The following ACTR3 variants were observed in gnomAD, a reference collection of about 807,000 sequenced individuals.
ACTR3 encodes actin related protein 3.
In ACTR3, 12 loss-of-function variants were observed where a neutral mutation model predicts 56.8. That is an observed-to-expected ratio of 0.21 (90% CI 0.14 to 0.34). ACTR3 has a LOEUF of 0.34. ACTR3 is among the 10% of genes least tolerant of loss of function. ACTR3 has a pLI of 1.00. For missense variants in ACTR3, 282 were observed against 512.5 expected, an observed-to-expected ratio of 0.55 and a Z score of 4.34; for synonymous variants, 162 against 167.4, an observed-to-expected ratio of 0.97 and a Z score of 0.25.
intron 1 of ACTR3, among the ~76,000 whole-genome samples, chr2:113,895,986 G>C (rs1002361445): frequency 6.6e-6 from 1 of 152,102 alleles, no homozygotes; most frequent in African/African-American, 2.4e-5. Context: ...AGTCCCCCGA[G>C]TAGCTGGGAC....
At chr2:113,896,207 C>T (rs763738570) in intron 1 of ACTR3, among the ~76,000 whole-genome samples, 3 of 151,994 alleles carry the variant, frequency 2.0e-5, no homozygotes, top group Non-Finnish European at 4.4e-5. Flanking sequence ...AATGGTTCAG[C>T]ACAGTGCCTG....
intron 4 of ACTR3, 47 bp from the exon 5 acceptor site, chr2:113,931,254 C>A: frequency 8.6e-7 from 1 of 1,169,368 alleles, no homozygotes; most frequent in Non-Finnish European, 1.2e-6. Flanking sequence ...AGAAAGTTAT[C>A]AAAATAATCT....
chr2:113,902,181 C>G (rs1381905254), intron 1 of ACTR3, among the ~76,000 whole-genome samples: 1 of 152,118 alleles, frequency 6.6e-6, no homozygotes, highest in Non-Finnish European at 1.5e-5. Context: ...GTGACAGACT[C>G]GCCTTTTTTT....
intron 3 of ACTR3, among the ~76,000 whole-genome samples, chr2:113,920,445 C>G (rs1333570095): frequency 6.6e-6 from 1 of 152,144 alleles, no homozygotes; most frequent in Non-Finnish European, 1.5e-5. Context: ...GTGTGGTGAT[C>G]AAGTCAATGT....
chr2:113,945,692 A>G (rs758290748), intron 8 of ACTR3, among the ~76,000 whole-genome samples: 35 of 151,764 alleles, frequency 2.3e-4, no homozygotes, highest in Admixed American at 8.5e-4. Flanking sequence ...AGGTTTTTAT[A>G]TAGGTAAACT....
upstream of ACTR3, chr2:113,889,985 C>T (rs566293362): frequency 9.8e-6 from 5 of 511,852 alleles, no homozygotes; most frequent in South Asian, 7.3e-5. Flanking sequence ...GGAAAGGCGG[C>T]GTGAGGGGAA....
intron 3 of ACTR3, among the ~76,000 whole-genome samples, chr2:113,922,824 C>T (rs1216614694): frequency 1.3e-5 from 2 of 152,102 alleles, no homozygotes; most frequent in Non-Finnish European, 2.9e-5. Flanking sequence ...ATTAAAGCAA[C>T]CAGTGGACCA....
chr2:113,895,201 T>C (rs1386069302), intron 1 of ACTR3, among the ~76,000 whole-genome samples: 1 of 152,170 alleles, frequency 6.6e-6, no homozygotes, highest in Non-Finnish European at 1.5e-5. Context: ...TCGAGAATTG[T>C]ATGTCAGCCC....
At chr2:113,917,110 C>A in intron 3 of ACTR3, 102 bp downstream of exon 3, 1 of 943,620 alleles carries the variant, frequency 1.1e-6, no homozygotes, top group Non-Finnish European at 1.4e-6. Context: ...TTAATATCCT[C>A]AAACCTCTTC....
intron 8 of ACTR3, among the ~76,000 whole-genome samples, chr2:113,947,759 C>CA (rs1680046823): frequency 6.6e-6 from 1 of 152,132 alleles, no homozygotes; most frequent in African/African-American, 2.4e-5. Context: ...GCTAATGTTT[C>CA]ATATATCATT....
chr2:113,897,496 T>C (rs1679028784), intron 1 of ACTR3, among the ~76,000 whole-genome samples: 1 of 150,650 alleles, frequency 6.6e-6, no homozygotes. Flanking sequence ...AGGAATAGCT[T>C]GAATTTGTGT....
intron 6 of ACTR3, among the ~76,000 whole-genome samples, chr2:113,935,751 G>A (rs1004217497): frequency 1.3e-5 from 2 of 151,966 alleles, no homozygotes; most frequent in African/African-American, 4.8e-5. Context: ...ATCAGTCTGT[G>A]ATAAATATTA....
chr2:113,892,541 TAC>T (rs536049052), intron 1 of ACTR3, among the ~76,000 whole-genome samples: 100 of 152,322 alleles, frequency 6.6e-4, no homozygotes, highest in African/African-American at 2.4e-3. Flanking sequence ...CCTGGGAAGT[TAC>T]ACCTTCAGCT....
At chr2:113,936,302 C>CAA (rs61526382) in intron 6 of ACTR3, among the ~76,000 whole-genome samples, 1,882 of 77,836 alleles carry the variant, frequency 0.024, 38 homozygotes, top group African/African-American at 0.066. Context: ...ACCCTGTCTC[C>CAA]AAAAAAAAAA....
intron 1 of ACTR3, 43 bp from the exon 2 acceptor site, chr2:113,913,129 C>A: frequency 7.6e-7 from 1 of 1,310,978 alleles, no homozygotes; most frequent in African/African-American, 1.5e-5. Flanking sequence ...TGTATAATTG[C>A]TAAAATATTA....
intron 5 of ACTR3, 69 bp from the exon 6 acceptor site, chr2:113,934,210 T>G: frequency 9.5e-7 from 1 of 1,051,830 alleles, no homozygotes; most frequent in Non-Finnish European, 1.4e-6. Context: ...TTTTTTTTTT[T>G]CGATTAACTC....
chr2:113,942,138 G>T (rs566276192), intron 7 of ACTR3, 48 bp from the exon 8 acceptor site: 12 of 1,420,346 alleles, frequency 8.4e-6, no homozygotes, highest in South Asian at 4.3e-5. Flanking sequence ...CTTCTTTACT[G>T]TTCCTATAAT....
intron 10 of ACTR3, chr2:113,953,739 A>G (rs12329208): frequency 5.3e-4 from 81 of 152,326 alleles, no homozygotes; most frequent in African/African-American, 1.8e-3. Flanking sequence ...ATCCCCAAAC[A>G]TTTTAGTATA....
At chr2:113,910,724 T>C (rs1245765887) in intron 1 of ACTR3, among the ~76,000 whole-genome samples, 2 of 152,194 alleles carry the variant, frequency 1.3e-5, no homozygotes, top group Non-Finnish European at 2.9e-5. Flanking sequence ...TGTTGATTGC[T>C]GTGGTGGTGG....
Sources: gnomAD v4.1 joint callset for allele counts (sites outside exome capture counted in the v4.1 genomes callset) on GRCh38, gnomAD v4.1.1 for gene constraint, MANE v1.5 for transcripts, NCBI Gene and HGNC (gene_info 2026-07-23, HGNC 2026-07-21) for gene names.